Variants in LINGO2 observed in about 807,000 individuals in gnomAD.
The protein encoded by LINGO2 is leucine rich repeat and Ig domain containing 2, also known as leucine-rich repeat and immunoglobulin-like domain-containing nogo receptor-interacting protein 2.
A neutral mutation model predicts 30.6 loss-of-function variants in LINGO2; 14 were observed. The observed-to-expected ratio is 0.46, with a 90% CI of 0.30 to 0.72. The LOEUF is 0.72. Ranked by LOEUF, LINGO2 falls within the 30% of genes least tolerant of loss-of-function variation. The pLI, the probability that LINGO2 is intolerant of heterozygous loss-of-function variation, is 0.07. For synonymous variants in LINGO2, 317 were observed against 288.5 expected (o/e 1.10, Z -1.00); for missense variants, 729 against 751.7 (o/e 0.97, Z 0.35).
chr9:28,860,210 T>G, the LINGO2 span, among the ~76,000 whole-genome samples: 1 of 152,142 alleles, frequency 6.6e-6, no homozygotes, highest in Non-Finnish European at 1.5e-5. Flanking sequence ...AAGATTAATT[T>G]TATTTGTCAA....
the LINGO2 span, among the ~76,000 whole-genome samples, chr9:28,766,520 A>G: frequency 6.6e-6 from 1 of 151,936 alleles, no homozygotes; most frequent in African/African-American, 2.4e-5. Flanking sequence ...TAATATAAAG[A>G]TTCCTCAAAA....
intron 1 of LINGO2, among the ~76,000 whole-genome samples, chr9:28,493,957 T>C (rs957729013): frequency 1.1e-4 from 17 of 152,266 alleles, no homozygotes; most frequent in African/African-American, 4.1e-4. Context: ...AGCTTGCAGA[T>C]GGCCTATTGT....
intron 4 of LINGO2, among the ~76,000 whole-genome samples, chr9:28,073,296 G>A (rs1825534173): frequency 6.6e-6 from 1 of 152,088 alleles, no homozygotes; most frequent in African/African-American, 2.4e-5. Context: ...TTCCTTGTCT[G>A]TTAAATGAGG....
At chr9:28,098,852 T>A (rs933763951) in intron 4 of LINGO2, among the ~76,000 whole-genome samples, 1 of 152,156 alleles carries the variant, frequency 6.6e-6, no homozygotes, top group Non-Finnish European at 1.5e-5. Flanking sequence ...AATGTTTTGA[T>A]AATGGATGGT....
intron 4 of LINGO2, among the ~76,000 whole-genome samples, chr9:28,246,221 C>G (rs1023225614): frequency 2.6e-5 from 4 of 152,052 alleles, no homozygotes; most frequent in African/African-American, 4.8e-5. Context: ...GTCAGGAGTT[C>G]AAGACCAGCC....
chr9:29,134,015 A>G, the LINGO2 span, among the ~76,000 whole-genome samples: 2 of 152,186 alleles, frequency 1.3e-5, no homozygotes, highest in Non-Finnish European at 2.9e-5. Flanking sequence ...TCTATACTTA[A>G]TAGCTTTAAT....
the LINGO2 span, among the ~76,000 whole-genome samples, chr9:28,797,358 A>G: frequency 1.1e-5 from 1 of 94,296 alleles, no homozygotes; most frequent in African/African-American, 4.2e-5. Flanking sequence ...ATATATATAT[A>G]TAGAGAGAGA....
At chr9:28,965,508 A>G in the LINGO2 span, among the ~76,000 whole-genome samples, 1 of 152,022 alleles carries the variant, frequency 6.6e-6, no homozygotes, top group Non-Finnish European at 1.5e-5. Flanking sequence ...TTCGCATTGT[A>G]AGTTCTGTAA....
intron 1 of LINGO2, among the ~76,000 whole-genome samples, chr9:28,589,767 C>G (rs906586076): frequency 6.6e-6 from 1 of 151,860 alleles, no homozygotes; most frequent in Non-Finnish European, 1.5e-5. Context: ...CATCAAGCTA[C>G]CAATGACTTT....
chr9:28,088,830 CAG>C (rs1267852238), intron 4 of LINGO2, among the ~76,000 whole-genome samples: 1 of 152,020 alleles, frequency 6.6e-6, no homozygotes, highest in African/African-American at 2.4e-5. Context: ...ATCTCATGTG[CAG>C]AGACACACAT....
the LINGO2 span, among the ~76,000 whole-genome samples, chr9:29,121,119 C>A: frequency 6.6e-6 from 1 of 151,988 alleles, no homozygotes; most frequent in Non-Finnish European, 1.5e-5. Flanking sequence ...AGGCTTACAA[C>A]AAAATTTTTG....
At chr9:28,919,256 G>C in the LINGO2 span, among the ~76,000 whole-genome samples, 8 of 152,192 alleles carry the variant, frequency 5.3e-5, no homozygotes, top group African/African-American at 1.9e-4. Context: ...CTATCATGCA[G>C]TCATGCTTGA....
rs867803760 is a variant in LINGO2, at chr9:28,142,526, A to T, written c.-86-130121T>A. ...GCAAAGGGTCTGGCTCAGAAAAAAA[A>T]TGGTAGATAATTGTTTTCAAAGAAA... On this transcript the variant is annotated intron_variant, in intron 4 of 5. Coordinates refer to ENST00000379992, the Ensembl canonical transcript of LINGO2. Among the ~76,000 whole-genome samples the T allele has an allele frequency of 1.5e-4, 23 of 152,302 alleles. No individual in the cohort carries two copies. In the Middle Eastern group the frequency reaches 0.02, roughly 135 times the overall value.
intron 4 of LINGO2, among the ~76,000 whole-genome samples, chr9:28,077,446 C>G (rs1213600593): frequency 6.6e-6 from 1 of 152,152 alleles, no homozygotes; most frequent in Non-Finnish European, 1.5e-5. Flanking sequence ...CATGTATACA[C>G]TTTATATACA....
At chr9:28,485,519 C>A (rs7860197) in intron 1 of LINGO2, among the ~76,000 whole-genome samples, 1 of 151,742 alleles carries the variant, frequency 6.6e-6, no homozygotes, top group Admixed American at 6.6e-5. Context: ...CTCATTATAG[C>A]CTGAAGAGAT....
intron 1 of LINGO2, among the ~76,000 whole-genome samples, chr9:28,617,262 C>T (rs1401309683): frequency 2.0e-5 from 3 of 151,814 alleles, no homozygotes; most frequent in East Asian, 1.9e-4. Flanking sequence ...CTCCTCTTTC[C>T]GGCTAGTTTA....
rs1043645660 is a variant in LINGO2 at position 28,546,030 on chromosome 9, A to G, written c.-364-70005T>C. Reference sequence around the variant, plus strand: ...TCACATATTAGCTAATTTTATCTTCATAAGGCACAGAAAGACAAATACTTC... The same window carrying G: ...TCACATATTAGCTAATTTTATCTTCGTAAGGCACAGAAAGACAAATACTTC... On this transcript the variant is annotated intron_variant, in intron 1 of 5. Transcript: ENST00000379992. 1.2e-4 allele frequency among the ~76,000 whole-genome samples: 18 copies of G among 152,092 alleles called. 1 individual carries two copies. Among genetic ancestry groups the G allele is most frequent in the African/African-American group, 3.9e-4 (16 of 41,440 alleles).
chr9:28,328,453 C>G (rs1207093854), intron 3 of LINGO2, among the ~76,000 whole-genome samples: 2 of 151,652 alleles, frequency 1.3e-5, no homozygotes, highest in Non-Finnish European at 2.9e-5. Context: ...CTTCAGCATC[C>G]TTGTAGAATA....
the LINGO2 span, among the ~76,000 whole-genome samples, chr9:28,872,571 A>T: frequency 1.3e-5 from 2 of 152,148 alleles, no homozygotes; most frequent in African/African-American, 2.4e-5. Context: ...CATGGCAAAA[A>T]GATTCCATCA....
Sources: allele counts gnomAD v4.1 joint callset (sites outside exome capture counted in the v4.1 genomes callset), GRCh38; gene constraint gnomAD v4.1.1; transcripts MANE v1.5; gene names NCBI Gene and HGNC (gene_info 2026-07-23, HGNC 2026-07-21).